The following NARS2 variants were observed in gnomAD, a reference collection of about 807,000 sequenced individuals.
NARS2 encodes asparaginyl-tRNA synthetase 2, mitochondrial.
A neutral mutation model predicts 62.9 loss-of-function variants in NARS2; 60 were observed. The ratio of observed to expected loss-of-function variants is 0.95; its 90% CI spans 0.77 to 1.18. The LOEUF is 1.18. NARS2 is among the 50% of genes most tolerant of loss of function. NARS2 has a pLI of 0.00. For missense variants in NARS2, 619 were observed against 576.4 expected (o/e 1.07, Z -0.76); for synonymous variants, 196 against 200.0 (o/e 0.98, Z 0.17).
intron 6 of NARS2, among the ~76,000 whole-genome samples, chr11:78,516,209 T>C (rs79314731): frequency 0.019 from 2,918 of 152,252 alleles, 89 homozygotes; most frequent in African/African-American, 0.066. Flanking sequence ...TACAGAGACA[T>C]CCCAGAGCCA....
intron 5 of NARS2, among the ~76,000 whole-genome samples, chr11:78,559,270 T>C (rs1052873572): frequency 9.0e-6 from 1 of 110,590 alleles, no homozygotes; most frequent in African/African-American, 3.5e-5. Context: ...ACCACTGCAC[T>C]CCAGCCTGGC....
At chr11:78,452,993 A>T (rs1858027792) in intron 11 of NARS2, among the ~76,000 whole-genome samples, 1 of 152,204 alleles carries the variant, frequency 6.6e-6, no homozygotes, top group Admixed American at 6.5e-5. Flanking sequence ...ACCAGAACTA[A>T]ATCTATCATT....
At chr11:78,557,085 T>C (rs1856380752) in intron 5 of NARS2, among the ~76,000 whole-genome samples, 1 of 152,114 alleles carries the variant, frequency 6.6e-6, no homozygotes, top group South Asian at 2.1e-4. Flanking sequence ...CCTTAACAAA[T>C]ATCAAAGTAG....
intron 4 of NARS2, among the ~76,000 whole-genome samples, chr11:78,564,750 T>G (rs1175414150): frequency 6.6e-6 from 1 of 152,252 alleles, no homozygotes; most frequent in Non-Finnish European, 1.5e-5. Flanking sequence ...CATAGCAAAG[T>G]TTCTGACAGC....
At chr11:78,488,784 T>C (rs909440765) in intron 7 of NARS2, among the ~76,000 whole-genome samples, 16 of 152,160 alleles carry the variant, frequency 1.1e-4, no homozygotes, top group African/African-American at 3.4e-4. Context: ...GATTCTGAAA[T>C]AGATCCATAT....
rs1590885875 is a variant in NARS2, at chr11:78,574,647, T to C, written c.-159A>G. 1.4e-6 allele frequency: 1 copy of C among 737,170 alleles called. No homozygotes were observed. The highest frequency in any genetic ancestry group is 2.2e-6 in the Non-Finnish European group (1 of 464,110). 45.7% of individuals were successfully genotyped at this position (737,170 alleles called of 1,614,324 possible). A position where few individuals can be genotyped will look rare whatever the true frequency, so the allele number is the denominator to read the frequency against. Reference sequence around the variant, plus strand: ...GGCTGCGCGCTTTCTCCTTCAGGACTCCCAGCTCTGTCCCCACAGAACCTC... The same window carrying C: ...GGCTGCGCGCTTTCTCCTTCAGGACCCCCAGCTCTGTCCCCACAGAACCTC... On this transcript the variant is annotated 5_prime_UTR_variant, in exon 1 of 14. Transcript: ENST00000281038.
chr11:78,437,616 G>A (rs1311676296), intron 13 of NARS2, among the ~76,000 whole-genome samples: 1 of 152,150 alleles, frequency 6.6e-6, no homozygotes, highest in Non-Finnish European at 1.5e-5. Context: ...AAGAGGAAAA[G>A]GGCAACTATA....
Position 78,465,822 on chromosome 11 carries a change from T to C in NARS2, c.1164+54A>G. The stretch of plus-strand genomic sequence containing the variant: ...TTAAGAAAAGATCACAAAGGCTAAA[T>C]GAAAAACCCAACCTAAGAGGACTAA... On this transcript the variant is annotated intron_variant, in intron 11 of 13. Coordinates refer to ENST00000281038, the MANE Select transcript of NARS2 (RefSeq NM_024678.6). 7 of 1,588,002 alleles carry C rather than the reference T, an allele frequency of 4.4e-6. No individual in the cohort carries two copies. The South Asian group carries it at 4.5e-5, about 10-fold the overall frequency.
intron 5 of NARS2, among the ~76,000 whole-genome samples, chr11:78,531,794 T>C (rs1249269733): frequency 6.6e-6 from 1 of 152,206 alleles, no homozygotes; most frequent in East Asian, 1.9e-4. Context: ...TAAAAGGCTA[T>C]GTATGATTAC....
chr11:78,465,086 T>TG (rs1218359591), intron 11 of NARS2, among the ~76,000 whole-genome samples: 2 of 152,094 alleles, frequency 1.3e-5, no homozygotes, highest in African/African-American at 4.8e-5. Context: ...GGCTCAGGCA[T>TG]GGGGGGCTGC....
intron 6 of NARS2, among the ~76,000 whole-genome samples, chr11:78,512,169 TA>T (rs1189679152): frequency 6.6e-6 from 1 of 152,222 alleles, no homozygotes; most frequent in African/African-American, 2.4e-5. Flanking sequence ...CTCTGACAGT[TA>T]ATTGATTTCT....
intron 6 of NARS2, among the ~76,000 whole-genome samples, chr11:78,525,301 T>C (rs1313553658): frequency 6.6e-6 from 1 of 152,064 alleles, no homozygotes; most frequent in Non-Finnish European, 1.5e-5. Context: ...AATAATAATA[T>C]GTCAGTGTAA....
chr11:78,478,535 T>C, intron 8 of NARS2, 50 bp downstream of exon 8: 1 of 1,308,060 alleles, frequency 7.6e-7, no homozygotes, highest in Non-Finnish European at 1.1e-6. Context: ...TATGTATAAT[T>C]AACACATTAA....
chr11:78,478,424 T>C lies in NARS2; in HGVS notation c.959+14A>G, dbSNP rs1243678001. ...GATAATGAATAAAGTTCAAAAAGTA[T>C]AACATCTACTTACATTAAAAAGTTG... On this transcript the variant is annotated intron_variant, in intron 9 of 13. Transcript: ENST00000281038. 9.8e-7 allele frequency: 1 copy of C among 1,020,200 alleles called. No individual in the cohort carries two copies. The highest frequency in any genetic ancestry group is 1.4e-6 in the Non-Finnish European group (1 of 720,582). 63.2% of individuals were successfully genotyped at this position (1,020,200 alleles called of 1,614,324 possible).
At chr11:78,498,034 A>T (rs2135345419) in intron 6 of NARS2, among the ~76,000 whole-genome samples, 1 of 152,280 alleles carries the variant, frequency 6.6e-6, no homozygotes, top group East Asian at 1.9e-4. Flanking sequence ...CTAAAGGGGG[A>T]GGAAGGTTAG....
chr11:78,517,340 T>C (rs1353405725), intron 6 of NARS2, among the ~76,000 whole-genome samples: 1 of 152,210 alleles, frequency 6.6e-6, no homozygotes, highest in Non-Finnish European at 1.5e-5. Flanking sequence ...TTTGAACATG[T>C]TGAGTTTAAG....
intron 7 of NARS2, among the ~76,000 whole-genome samples, chr11:78,492,519 T>C (rs562270567): frequency 2.0e-5 from 3 of 152,352 alleles, no homozygotes; most frequent in Admixed American, 6.5e-5. Context: ...AGGTCTTTCA[T>C]GATCTGTTGC....
At chr11:78,494,471 T>G (rs1859972365) in intron 6 of NARS2, among the ~76,000 whole-genome samples, 1 of 146,420 alleles carries the variant, frequency 6.8e-6, no homozygotes, top group African/African-American at 2.5e-5. Context: ...TTCTTTTTCT[T>G]TTTTTTTTTT....
intron 1 of NARS2, among the ~76,000 whole-genome samples, chr11:78,572,507 C>T (rs1856965984): frequency 6.6e-6 from 1 of 152,180 alleles, no homozygotes; most frequent in Admixed American, 6.5e-5. Flanking sequence ...TATAATTCTG[C>T]CCCATCCCCA....
Sources: allele counts gnomAD v4.1 joint callset (sites outside exome capture counted in the v4.1 genomes callset), GRCh38; gene constraint gnomAD v4.1.1; transcripts MANE v1.5; gene names NCBI Gene and HGNC (gene_info 2026-07-23, HGNC 2026-07-21).